Variants in MUSK observed in about 807,000 individuals in gnomAD.
The protein encoded by MUSK is muscle associated receptor tyrosine kinase.
In MUSK, 55 loss-of-function variants were observed where a neutral mutation model predicts 88.7. That is an observed-to-expected ratio of 0.62 (90% CI 0.50 to 0.78). MUSK has a LOEUF of 0.78. Ranked by LOEUF, MUSK falls within the 30% of genes least tolerant of loss-of-function variation. The probability of loss-of-function intolerance (pLI) is 0.00; values close to 1 mark genes in which losing one functional copy is unlikely to be tolerated. For synonymous variants in MUSK, 387 were observed against 391.9 expected (o/e 0.99, Z 0.15); for missense variants, 1,015 against 1,074.3 (o/e 0.94, Z 0.77).
chr9:110,694,404 AAACAAAAAAACAAAAC>A (rs1456861764), intron 3 of MUSK, among the ~76,000 whole-genome samples: 1 of 122,112 alleles, frequency 8.2e-6, no homozygotes, highest in African/African-American at 3.4e-5. Context: ...AAAAAAAAAA[AAACAAAAAAACAAAAC>A]CCAACAGGTC....
At chr9:110,712,253 T>A (rs1445619140) in intron 5 of MUSK, among the ~76,000 whole-genome samples, 1 of 152,138 alleles carries the variant, frequency 6.6e-6, no homozygotes, top group Non-Finnish European at 1.5e-5. Context: ...TACTGTGTAC[T>A]TTATTTTCTT....
intron 6 of MUSK, among the ~76,000 whole-genome samples, 185 bp from the exon 7 acceptor site, chr9:110,747,456 T>C (rs1023627387): frequency 6.6e-6 from 1 of 152,210 alleles, no homozygotes; most frequent in African/African-American, 2.4e-5. Flanking sequence ...ATGCTACTTC[T>C]TGAGGGAAGA....
intron 1 of MUSK, among the ~76,000 whole-genome samples, chr9:110,681,231 T>C (rs2076133361): frequency 7.4e-6 from 1 of 135,320 alleles, no homozygotes; most frequent in South Asian, 2.2e-4. Flanking sequence ...GTTGAAAAGC[T>C]GGGAAGAAAG....
chr9:110,798,760 A>G (rs547190677), intron 14 of MUSK, among the ~76,000 whole-genome samples: 77 of 152,298 alleles, frequency 5.1e-4, no homozygotes, highest in South Asian at 1.7e-3. Flanking sequence ...AGTAATTACA[A>G]TATAGAAAAC....
At chr9:110,679,148 G>T (rs2076072585) in intron 1 of MUSK, among the ~76,000 whole-genome samples, 1 of 151,760 alleles carries the variant, frequency 6.6e-6, no homozygotes, top group African/African-American at 2.4e-5. Context: ...CTTTACTGTA[G>T]TTCTGTTTGA....
intron 3 of MUSK, among the ~76,000 whole-genome samples, chr9:110,689,718 T>TAGTTATGTATAAATATATAACTATATATA (rs370720549): frequency 5.8e-5 from 3 of 51,670 alleles, no homozygotes; most frequent in African/African-American, 4.0e-4. Context: ...TAACTATATA[T>TAGTTATGTATAAATATATAACTATATATA]GTTATATATA....
At chr9:110,738,983 A>G (rs1487463030) in intron 6 of MUSK, among the ~76,000 whole-genome samples, 1 of 152,160 alleles carries the variant, frequency 6.6e-6, no homozygotes, top group Non-Finnish European at 1.5e-5. Context: ...GGGAGGACTG[A>G]AAATGACTCC....
Position 110,802,682 on chromosome 9 carries a change from C to T in MUSK, c.*1694C>T, listed in dbSNP as rs2078111942. ...TTACTTCCTAAAATCCTCCTGCTGA[C>T]ATCCTCTTCCCTTCAACCCAAGAGC... is the stretch of plus-strand genomic sequence containing the variant. On this transcript the variant is annotated 3_prime_UTR_variant, in exon 15 of 15. Coordinates refer to ENST00000374448, the MANE Select transcript of MUSK (RefSeq NM_005592.4). Among the ~76,000 whole-genome samples, 1 of 152,180 alleles carries T rather than the reference C, an allele frequency of 6.6e-6. No individual in the cohort carries two copies. Among genetic ancestry groups the T allele is most frequent in the Admixed American group, 6.5e-5 (1 of 15,288 alleles).
In MUSK at chr9:110,682,590, T is replaced by A; in HGVS notation, c.80-84T>A. ...TGGGGAAACAGAATTCTCATTCAGG[T>A]ATGTAATGGCTTCTGACTGCTTAAG... On this transcript the variant is annotated intron_variant, in intron 1 of 14. Transcript: ENST00000374448. 3 of 1,331,258 alleles carry A rather than the reference T, an allele frequency of 2.3e-6. No individual in the cohort carries two copies. The South Asian group carries it at 4.4e-5, about 19-fold the overall frequency. The allele number at this position is 1,331,258 out of a possible 1,614,324, so 82.5% of individuals were successfully genotyped here. A position where few individuals can be genotyped will look rare whatever the true frequency, so the allele number is the denominator to read the frequency against.
Position 110,800,731 on chromosome 9 carries a change from G to A in MUSK, c.2353G>A (p.Val785Met), listed in dbSNP as rs2078081817. The stretch of plus-strand genomic sequence containing the variant: ...TAACCGCTACACTACAGAGTCTGAT[G>A]TGTGGGCCTATGGCGTGGTCCTCTG... Reference protein sequence around the residue: ...FYNRYTTESDVWAYGVVLWEI... With the variant: ...FYNRYTTESDMWAYGVVLWEI... Residue 785 changes from valine to methionine, a missense_variant, in exon 15 of 15, where the codon GTG becomes ATG. Physicochemically the swap from Val to Met is conservative, Grantham distance 21 (BLOSUM62 1). Transcript: ENST00000374448. The A allele has an allele frequency of 1.2e-6, 2 of 1,614,020 alleles. No individual in the cohort carries two copies. The highest frequency in any genetic ancestry group is 4.5e-5 in the East Asian group (2 of 44,878).
chr9:110,708,825 T>A (rs1424365920), intron 5 of MUSK, among the ~76,000 whole-genome samples: 2 of 152,118 alleles, frequency 1.3e-5, no homozygotes, highest in Non-Finnish European at 2.9e-5. Context: ...CCTCTTAAAG[T>A]GCAGTGTTAA....
intron 5 of MUSK, among the ~76,000 whole-genome samples, chr9:110,714,124 A>G (rs1436761899): frequency 6.6e-6 from 1 of 152,140 alleles, no homozygotes; most frequent in Non-Finnish European, 1.5e-5. Context: ...AGAAGAAAAA[A>G]GTGAATCAGG....
At chr9:110,676,369 A>ATTATATATTATATTATTATATG (rs1373882263) in intron 1 of MUSK, among the ~76,000 whole-genome samples, 2 of 149,856 alleles carry the variant, frequency 1.3e-5, no homozygotes, top group Non-Finnish European at 3.0e-5. Context: ...TATATTATAT[A>ATTATATATTATATTATTATATG]TGTGTGTGTA....
At position 110,673,116 on chromosome 9, in the gene MUSK, T is replaced by C. The variant is rs191027458; in HGVS notation, c.79+4133T>C. ...CAACTGATCCATGTGATTGTGTCAGTGAAAACCGGAAAGCAGATTTGGATA... is the reference window on the plus strand; with the variant it reads ...CAACTGATCCATGTGATTGTGTCAGCGAAAACCGGAAAGCAGATTTGGATA... On this transcript the variant is annotated intron_variant, in intron 1 of 14. Transcript: ENST00000374448. Among the ~76,000 whole-genome samples, 23 of 152,282 alleles carry C rather than the reference T, an allele frequency of 1.5e-4. No individual in the cohort carries two copies. The East Asian group carries it at 4.1e-3, about 27-fold the overall frequency.
At chr9:110,772,877 AGAAGTTGT>A (rs2077601756) in intron 9 of MUSK, among the ~76,000 whole-genome samples, 1 of 152,142 alleles carries the variant, frequency 6.6e-6, no homozygotes, top group African/African-American at 2.4e-5. Flanking sequence ...AAACTAGTTC[AGAAGTTGT>A]CAACCATTTT....
chr9:110,799,796 G>T (rs184903571), intron 14 of MUSK, among the ~76,000 whole-genome samples: 15 of 152,268 alleles, frequency 9.9e-5, no homozygotes, highest in Admixed American at 9.2e-4. Context: ...GATGACAGTA[G>T]GAAAATCTAA....
At chr9:110,730,210 G>GT (rs59733555) in intron 5 of MUSK, among the ~76,000 whole-genome samples, 52,791 of 151,304 alleles carry the variant, frequency 0.35, 9,692 homozygotes, top group African/African-American at 0.41. Flanking sequence ...ATATTACCTT[G>GT]GTCTATTTTC....
chr9:110,687,160 C>A lies in MUSK; in HGVS notation c.250C>A (p.Leu84Ile). 1 of 1,613,680 alleles carries A rather than the reference C, an allele frequency of 6.2e-7. No homozygotes were observed. Among genetic ancestry groups the A allele is most frequent in the Non-Finnish European group, 8.5e-7 (1 of 1,179,728 alleles). ...RYSIRENGQL[L>I]TILSVEDSDD... is the part of the protein sequence containing the mutation. ...CAGCATCCGGGAGAATGGGCAGCTC[C>A]TCACCATCCTGAGTGTGGAAGACAG... The change falls in exon 3 of 15, where the codon CTC becomes ATC. Residue 84 changes from leucine (L) to isoleucine (I), a missense_variant. Physicochemically the swap from Leu to Ile is conservative, Grantham distance 5. Transcript: ENST00000374448.
chr9:110,755,691 A>G (rs2077301392), intron 7 of MUSK, among the ~76,000 whole-genome samples: 1 of 151,944 alleles, frequency 6.6e-6, no homozygotes, highest in African/African-American at 2.4e-5. Context: ...AGGAACATGG[A>G]GAGTAGACAA....
Sources: gnomAD v4.1 joint callset for allele counts (sites outside exome capture counted in the v4.1 genomes callset) on GRCh38, gnomAD v4.1.1 for gene constraint, MANE v1.5 for transcripts, NCBI Gene and HGNC (gene_info 2026-07-23, HGNC 2026-07-21) for gene names.